The following TRAPPC10 variants were observed in gnomAD, a reference collection of about 807,000 sequenced individuals.
TRAPPC10 encodes TRAPP 130 kDa subunit.
A neutral mutation model predicts 125.5 loss-of-function variants in TRAPPC10; 23 were observed. The ratio of observed to expected loss-of-function variants is 0.18; its 90% confidence interval spans 0.13 to 0.26. The LOEUF (loss-of-function observed/expected upper bound fraction) is 0.26, where lower values mean the gene tolerates loss of function less well. Ranked by LOEUF, TRAPPC10 falls within the 10% of genes least tolerant of loss-of-function variation. The pLI is 1.00. For synonymous variants in TRAPPC10, 509 were observed against 518.0 expected (o/e 0.98, Z 0.24); for missense variants, 1,123 against 1,308.4 (o/e 0.86, Z 2.19).
chr21:44,062,995 C>G (rs1052517036), intron 6 of TRAPPC10: 1 of 1,303,512 alleles, frequency 7.7e-7, no homozygotes, highest in African/African-American at 1.5e-5. Flanking sequence ...TTTCGACAAG[C>G]AGTAATTCTT....
chr21:44,092,179 G>A (rs2038631018), intron 19 of TRAPPC10, 130 bp downstream of exon 19: 1 of 1,203,858 alleles, frequency 8.3e-7, no homozygotes, highest in African/African-American at 1.5e-5. Flanking sequence ...AGGCTCCTGT[G>A]CAGCTCCTCC....
At chr21:44,043,872 C>T (rs2034586626) in intron 3 of TRAPPC10, among the ~76,000 whole-genome samples, 1 of 152,218 alleles carries the variant, frequency 6.6e-6, no homozygotes, top group South Asian at 2.1e-4. Context: ...GAAGGCCACT[C>T]GCAGGTGTTC....
At chr21:44,088,299 A>G (rs1348930276) in intron 17 of TRAPPC10, 2 of 236,484 alleles carry the variant, frequency 8.5e-6, no homozygotes, top group Non-Finnish European at 1.7e-5. Context: ...ACTGAAACTC[A>G]TAAGCTCAGC....
intron 2 of TRAPPC10, among the ~76,000 whole-genome samples, chr21:44,036,379 C>A (rs959925416): frequency 6.6e-6 from 1 of 152,214 alleles, no homozygotes; most frequent in Non-Finnish European, 1.5e-5. Context: ...AGCTTCCCAC[C>A]CTGAGGGCCT....
intron 7 of TRAPPC10, among the ~76,000 whole-genome samples, chr21:44,073,428 A>C (rs943249347): frequency 1.3e-5 from 2 of 152,246 alleles, no homozygotes; most frequent in African/African-American, 4.8e-5. Context: ...GTAAGATGCC[A>C]CTTGATTAAG....
intron 9 of TRAPPC10, among the ~76,000 whole-genome samples, chr21:44,076,161 A>G (rs1472825315): frequency 6.6e-6 from 1 of 152,242 alleles, no homozygotes; most frequent in Non-Finnish European, 1.5e-5. Flanking sequence ...GCTAAAGAAT[A>G]TCTGATGAGC....
Position 44,063,315 on chromosome 21 carries a change from G to A in TRAPPC10, c.791-223G>A. On this transcript the variant is annotated intron_variant, in intron 6 of 22. Coordinates refer to ENST00000291574, the MANE Select transcript of TRAPPC10 (RefSeq NM_003274.5). This position sits in a 1 kb window ranked among gnomAD's most constrained non-coding sequence, Gnocchi z 4.4. ...TTCAGCTCCCGCCCATGACTTTCTG[G>A]GCATGGTAGGGTGGTGTGCCTTGTT... 1 of 1,168,260 alleles carries A rather than the reference G, an allele frequency of 8.6e-7. No homozygotes were observed. The highest frequency in any genetic ancestry group is 1.6e-5 in the South Asian group (1 of 63,550). The allele number at this position is 1,168,260 out of a possible 1,614,324, so 72.4% of individuals were successfully genotyped here.
At chr21:44,061,754 A>G (rs2036075534) in intron 6 of TRAPPC10, among the ~76,000 whole-genome samples, 1 of 152,176 alleles carries the variant, frequency 6.6e-6, no homozygotes, top group South Asian at 2.1e-4. Flanking sequence ...GAATGCCTAG[A>G]ACTTAATCTG....
intron 2 of TRAPPC10, among the ~76,000 whole-genome samples, 183 bp from the exon 3 acceptor site, chr21:44,037,609 A>T (rs1011290913): frequency 1.7e-4 from 26 of 152,214 alleles, no homozygotes; most frequent in African/African-American, 6.3e-4. Flanking sequence ...TGACCTGTAC[A>T]CGTGAACTGT....
intron 1 of TRAPPC10, among the ~76,000 whole-genome samples, chr21:44,025,670 G>T (rs1222722249): frequency 1.3e-5 from 2 of 152,108 alleles, no homozygotes; most frequent in Non-Finnish European, 2.9e-5. Context: ...TCTGTCTTTT[G>T]ACTAGTCTTT....
chr21:44,038,958 G>C (rs2034199312), intron 3 of TRAPPC10, among the ~76,000 whole-genome samples: 1 of 152,214 alleles, frequency 6.6e-6, no homozygotes, highest in Non-Finnish European at 1.5e-5. Flanking sequence ...TTTTCACCAG[G>C]CTGCGCCGTA....
chr21:44,052,140 T>C lies in TRAPPC10; in HGVS notation c.286-140T>C, dbSNP rs1454444607. 7.0e-6 allele frequency: 5 copies of C among 715,244 alleles called. No homozygotes were observed. The Admixed American group carries it at 1.7e-4, about 24-fold the overall frequency. 44.3% of individuals were successfully genotyped at this position (715,244 alleles called of 1,614,324 possible). On this transcript the variant is annotated intron_variant, in intron 3 of 22. Transcript: ENST00000291574. Reference sequence around the variant, plus strand: ...CCGCAGGCTTGCTAGGCCGCTGGGCTTTTTATTCAATTTAAGTCCCGAGCC... The same window carrying C: ...CCGCAGGCTTGCTAGGCCGCTGGGCCTTTTATTCAATTTAAGTCCCGAGCC...
At chr21:44,012,632 G>GC in intron 1 of TRAPPC10, 72 bp downstream of exon 1, 2 of 1,375,536 alleles carry the variant, frequency 1.5e-6, no homozygotes, top group East Asian at 2.7e-5. Context: ...TGCACCCGGC[G>GC]CCCCCAGACC....
At chr21:44,094,442 A>G (rs1161623197) in intron 20 of TRAPPC10, among the ~76,000 whole-genome samples, 2 of 152,008 alleles carry the variant, frequency 1.3e-5, no homozygotes, top group African/African-American at 4.8e-5. Flanking sequence ...AGATGCCCAC[A>G]CTCCTGGGGG....
At position 44,012,651 on chromosome 21, in the gene TRAPPC10, C is replaced by G. The variant is rs1335914673; in HGVS notation, c.67+91C>G. The G allele has an allele frequency of 1.1e-5, 13 of 1,160,720 alleles. No individual in the cohort carries two copies. In the East Asian group the frequency reaches 3.9e-4, roughly 35 times the overall value. 71.9% of individuals were successfully genotyped at this position (1,160,720 alleles called of 1,614,324 possible). On this transcript the variant is annotated intron_variant, in intron 1 of 22. Coordinates refer to ENST00000291574, the MANE Select transcript of TRAPPC10 (RefSeq NM_003274.5). Reference sequence around the variant, plus strand: ...CCCGGCGCCCCCAGACCTTCAGCCCCCGGCGCGCTCCGGGCTGGGCCGCTT... The same window carrying G: ...CCCGGCGCCCCCAGACCTTCAGCCCGCGGCGCGCTCCGGGCTGGGCCGCTT...
chr21:44,052,975 T>C (rs2035325618), intron 4 of TRAPPC10, among the ~76,000 whole-genome samples: 1 of 152,074 alleles, frequency 6.6e-6, no homozygotes, highest in South Asian at 2.1e-4. Flanking sequence ...CTGCTCTCTC[T>C]CCTGGGGTAG....
At chr21:44,012,929 T>C (rs1045834129) in intron 1 of TRAPPC10, among the ~76,000 whole-genome samples, 1 of 152,032 alleles carries the variant, frequency 6.6e-6, no homozygotes, top group African/African-American at 2.4e-5. Context: ...GGCCCCGGCC[T>C]CTTCCGCCGG....
At chr21:44,045,948 G>C (rs186740995) in intron 3 of TRAPPC10, among the ~76,000 whole-genome samples, 1 of 151,844 alleles carries the variant, frequency 6.6e-6, no homozygotes, top group East Asian at 1.9e-4. Context: ...GGGGTTTGGG[G>C]GTTTATTTTT....
intron 9 of TRAPPC10, 88 bp downstream of exon 9, chr21:44,075,241 A>G: frequency 1.1e-6 from 1 of 944,090 alleles, no homozygotes. Context: ...CCGAAGTTCT[A>G]AGAGTAATCA....
Sources: allele counts gnomAD v4.1 joint callset (sites outside exome capture counted in the v4.1 genomes callset), GRCh38; gene constraint gnomAD v4.1.1; non-coding constraint Gnocchi (gnomAD v3.1); transcripts MANE v1.5; gene names NCBI Gene and HGNC (gene_info 2026-07-23, HGNC 2026-07-21).